AIG1: variants seen among roughly 807,000 people sequenced by gnomAD.
AIG1 encodes the protein androgen induced 1.
In AIG1, 23 loss-of-function variants were observed where a neutral mutation model predicts 31.4. That is an observed-to-expected ratio of 0.73 (90% CI 0.53 to 1.04). AIG1 has a LOEUF of 1.04. AIG1 is among the 50% of genes least tolerant of loss of function. AIG1 has a pLI of 0.00. For missense variants in AIG1, 274 were observed against 295.0 expected (o/e 0.93, Z 0.52); for synonymous variants, 100 against 110.5 (o/e 0.90, Z 0.60).
chr6:143,241,451 A>G (rs977517479), intron 3 of AIG1, among the ~76,000 whole-genome samples: 1 of 152,214 alleles, frequency 6.6e-6, no homozygotes, highest in African/African-American at 2.4e-5. Context: ...CACTTCTGGG[A>G]TGAAGCATTA....
At chr6:143,320,481 A>G (rs957219527) in intron 4 of AIG1, among the ~76,000 whole-genome samples, 2 of 152,238 alleles carry the variant, frequency 1.3e-5, no homozygotes, top group Non-Finnish European at 2.9e-5. Flanking sequence ...GATGAATGAT[A>G]AATAAAAGGT....
At chr6:143,276,752 G>T (rs1323376833) in intron 3 of AIG1, among the ~76,000 whole-genome samples, 1 of 152,182 alleles carries the variant, frequency 6.6e-6, no homozygotes, top group African/African-American at 2.4e-5. Flanking sequence ...AGCAGATTTT[G>T]AGCTGACCAA....
At chr6:143,105,631 C>T (rs376908396) in intron 1 of AIG1, among the ~76,000 whole-genome samples, 106 of 152,290 alleles carry the variant, frequency 7.0e-4, no homozygotes, top group African/African-American at 2.3e-3. Context: ...AGCGAAGGAT[C>T]GTTTTAGGTT....
intron 3 of AIG1, among the ~76,000 whole-genome samples, chr6:143,243,644 A>T (rs1209046965): frequency 1.3e-5 from 2 of 152,256 alleles, no homozygotes; most frequent in Non-Finnish European, 2.9e-5. Flanking sequence ...CAGTGGTAAC[A>T]TAGGTATTGT....
intron 2 of AIG1, among the ~76,000 whole-genome samples, chr6:143,145,250 C>A (rs1784606851): frequency 6.6e-6 from 1 of 152,174 alleles, no homozygotes; most frequent in Admixed American, 6.5e-5. Context: ...GTCTCAAACT[C>A]CTGAGCTCAA....
At chr6:143,225,399 T>C (rs757793817) in intron 3 of AIG1, among the ~76,000 whole-genome samples, 36 of 152,214 alleles carry the variant, frequency 2.4e-4, no homozygotes, top group Admixed American at 2.2e-3. Context: ...AAAATGCTTG[T>C]TGAACAATGA....
chr6:143,248,179 G>GA (rs548411272), intron 3 of AIG1, among the ~76,000 whole-genome samples: 3 of 151,926 alleles, frequency 2.0e-5, no homozygotes, highest in Non-Finnish European at 4.4e-5. Flanking sequence ...TTTCTGCAGG[G>GA]AAAAAAACAG....
intron 3 of AIG1, among the ~76,000 whole-genome samples, chr6:143,254,819 GC>G (rs1236377404): frequency 6.6e-6 from 1 of 152,114 alleles, no homozygotes; most frequent in Non-Finnish European, 1.5e-5. Context: ...TTTGAGACCA[GC>G]CTGGGCAACA....
chr6:143,192,070 A>C (rs1176442296), intron 3 of AIG1, among the ~76,000 whole-genome samples: 1 of 152,222 alleles, frequency 6.6e-6, no homozygotes, highest in East Asian at 1.9e-4. Context: ...AAAAGTGATA[A>C]AATCAATTGT....
intron 5 of AIG1, among the ~76,000 whole-genome samples, chr6:143,336,903 G>A (rs1161255976): frequency 6.6e-6 from 1 of 152,190 alleles, no homozygotes. Context: ...TTCCCATTCT[G>A]TAAGGGAGAA....
chr6:143,248,219 G>A (rs1303607065), intron 3 of AIG1, among the ~76,000 whole-genome samples: 2 of 152,164 alleles, frequency 1.3e-5, no homozygotes, highest in African/African-American at 4.8e-5. Context: ...ACCAATATCT[G>A]CAAGTAAAGT....
At chr6:143,226,998 T>A (rs1793019832) in intron 3 of AIG1, among the ~76,000 whole-genome samples, 1 of 150,938 alleles carries the variant, frequency 6.6e-6, no homozygotes, top group Admixed American at 6.6e-5. Context: ...TTTTTTTTTT[T>A]TTTTTTTTAG....
downstream of AIG1, chr6:143,342,748 G>C: frequency 3.5e-6 from 3 of 848,688 alleles, no homozygotes; most frequent in Non-Finnish European, 6.2e-6. Context: ...ATGGCCAGCG[G>C]ACTCAGGTAT....
chr6:143,143,804 G>A (rs1784495765), intron 2 of AIG1, among the ~76,000 whole-genome samples: 1 of 151,908 alleles, frequency 6.6e-6, no homozygotes, highest in African/African-American at 2.4e-5. Context: ...AATGTGAATT[G>A]AGTTACCTAA....
intron 3 of AIG1, among the ~76,000 whole-genome samples, chr6:143,214,067 C>T (rs1026049695): frequency 6.6e-6 from 1 of 152,094 alleles, no homozygotes; most frequent in Non-Finnish European, 1.5e-5. Context: ...TTGATTTTTC[C>T]TATTAAGAGA....
rs1181650561 is a variant in AIG1, at chr6:143,148,417, G to C, written c.297+11427G>C. Among the ~76,000 whole-genome samples, 9 of 152,230 alleles carry C rather than the reference G, an allele frequency of 5.9e-5. No homozygotes were observed. In the East Asian group the frequency reaches 1.7e-3, roughly 29 times the overall value. ...CCAGCTACTTGGGAGGCTGAGCTGG[G>C]AGGATCCCTTGAGCCCAGGAGGTGG... On this transcript the variant is annotated intron_variant, in intron 2 of 5. Coordinates refer to ENST00000357847, the MANE Select transcript of AIG1 (RefSeq NM_016108.4).
intron 1 of AIG1, among the ~76,000 whole-genome samples, chr6:143,100,891 G>T (rs961509137): frequency 3.3e-5 from 5 of 151,920 alleles, no homozygotes; most frequent in Non-Finnish European, 5.9e-5. Flanking sequence ...CACCATGTTG[G>T]CCAGGCTGGT....
intron 1 of AIG1, among the ~76,000 whole-genome samples, chr6:143,072,372 A>T (rs1474797618): frequency 6.6e-6 from 1 of 152,070 alleles, no homozygotes; most frequent in African/African-American, 2.4e-5. Flanking sequence ...GTCACCTGTT[A>T]ATAGAGACAT....
chr6:143,298,973 C>G lies in AIG1; in HGVS notation c.515+14748C>G, dbSNP rs1178079373. 6.6e-6 allele frequency: 1 copy of G among 152,144 alleles called. No individual in the cohort carries two copies. Among genetic ancestry groups the G allele is most frequent in the Non-Finnish European group, 1.5e-5 (1 of 68,032 alleles). 9.4% of individuals were successfully genotyped at this position (152,144 alleles called of 1,614,324 possible). A position where few individuals can be genotyped will look rare whatever the true frequency, so the allele number is the denominator to read the frequency against. On this transcript the variant is annotated intron_variant, in intron 4 of 5. Coordinates refer to ENST00000357847, the MANE Select transcript of AIG1 (RefSeq NM_016108.4). This position sits in a 1 kb window ranked among gnomAD's most constrained non-coding sequence, Gnocchi z 5.1. ...AGGACACATGGTAGTACTACCAGAC[C>G]AGATGGGATGTGTTGTGTTGGCATA...
Sources: gnomAD v4.1 joint callset for allele counts (sites outside exome capture counted in the v4.1 genomes callset) on GRCh38, gnomAD v4.1.1 for gene constraint, Gnocchi (gnomAD v3.1) non-coding constraint, MANE v1.5 for transcripts, NCBI Gene and HGNC (gene_info 2026-07-23, HGNC 2026-07-21) for gene names.